The following DCDC1 variants were observed in gnomAD, a reference collection of about 807,000 sequenced individuals.
DCDC1 encodes doublecortin domain-containing protein 1.
In DCDC1, 200 loss-of-function variants were observed where a neutral mutation model predicts 178.3. That is an observed-to-expected ratio of 1.12 (90% CI 1.00 to 1.26). The LOEUF (loss-of-function observed/expected upper bound fraction) is 1.26. Ranked by LOEUF, DCDC1 falls within the 50% of genes most tolerant of loss-of-function variation. The pLI is 0.00. For missense variants in DCDC1, 1,983 were observed against 1,749.2 expected (o/e 1.13, Z -2.38); for synonymous variants, 690 against 604.8 (o/e 1.14, Z -2.07).
intron 18 of DCDC1, among the ~76,000 whole-genome samples, chr11:31,077,161 C>T (rs1565253170): frequency 1.3e-5 from 2 of 152,106 alleles, no homozygotes; most frequent in Non-Finnish European, 2.9e-5. Context: ...GGGATGAGAA[C>T]ATTAGTAGAA....
intron 9 of DCDC1, among the ~76,000 whole-genome samples, chr11:31,178,103 C>T (rs1024457790): frequency 6.6e-6 from 1 of 152,170 alleles, no homozygotes; most frequent in African/African-American, 2.4e-5. Flanking sequence ...GCACATGAAA[C>T]ATCTCCAGAA....
At chr11:31,129,027 T>C (rs1218827680) in intron 10 of DCDC1, among the ~76,000 whole-genome samples, 1 of 152,106 alleles carries the variant, frequency 6.6e-6, no homozygotes, top group Non-Finnish European at 1.5e-5. Context: ...TGTACTTACA[T>C]CTCATCCACT....
At chr11:31,243,231 AC>A (rs1343912516) in intron 8 of DCDC1, among the ~76,000 whole-genome samples, 2 of 151,788 alleles carry the variant, frequency 1.3e-5, no homozygotes, top group East Asian at 3.9e-4. Context: ...ATATAAAGCA[AC>A]CTTGATTACA....
At chr11:31,091,858 T>G (rs752630283) in intron 16 of DCDC1, among the ~76,000 whole-genome samples, 65 of 152,116 alleles carry the variant, frequency 4.3e-4, no homozygotes, top group Admixed American at 4.0e-3. Context: ...GAAATATGTA[T>G]GCACAGAAAA....
chr11:30,994,892 C>T (rs2134967443), intron 20 of DCDC1, among the ~76,000 whole-genome samples: 1 of 150,614 alleles, frequency 6.6e-6, no homozygotes, highest in South Asian at 2.1e-4. Context: ...CTTACTACTG[C>T]TATTAATCAT....
At chr11:31,000,604 A>G (rs1951516382) in intron 20 of DCDC1, among the ~76,000 whole-genome samples, 3 of 152,224 alleles carry the variant, frequency 2.0e-5, no homozygotes, top group South Asian at 4.1e-4. Context: ...AATATTCAGG[A>G]TGTCACTCTT....
intron 20 of DCDC1, among the ~76,000 whole-genome samples, chr11:31,063,514 T>C (rs140861641): frequency 4.3e-4 from 66 of 152,268 alleles, no homozygotes; most frequent in African/African-American, 1.6e-3. Context: ...TGGAATAAAA[T>C]AGCTTTTAAT....
intron 20 of DCDC1, among the ~76,000 whole-genome samples, chr11:30,998,014 G>A (rs1451526720): frequency 6.6e-6 from 1 of 152,026 alleles, no homozygotes; most frequent in East Asian, 1.9e-4. Flanking sequence ...GGGGGTGGGG[G>A]CAGGCACAGT....
chr11:31,295,831 T>C (rs1947647435), intron 6 of DCDC1, among the ~76,000 whole-genome samples: 1 of 152,142 alleles, frequency 6.6e-6, no homozygotes, highest in African/African-American at 2.4e-5. Flanking sequence ...GAGGGAGACC[T>C]CTCGGTTATT....
chr11:31,290,729 G>A lies in DCDC1; in HGVS notation c.878C>T (p.Thr293Ile). The change falls in exon 7 of 39, where the codon ACC (threonine) becomes ATC (isoleucine). Residue 293 changes from threonine to isoleucine, a missense_variant. Physicochemically the swap from Thr to Ile is moderately conservative, Grantham distance 89. Transcript: ENST00000684477. ...CTTAAAGAACAGAATTCGGACTGAG[G>A]TCCTCTCAGTAAGTTTCTTCATTCT... Reference protein sequence around the residue: ...SIRMKKLTERTSVRILFFKNG... With the variant: ...SIRMKKLTERISVRILFFKNG... The A allele has an allele frequency of 6.2e-7, 1 of 1,613,414 alleles. No individual in the cohort carries two copies. The highest frequency in any genetic ancestry group is 8.5e-7 in the Non-Finnish European group (1 of 1,179,554).
chr11:31,297,034 G>A (rs1168730558), intron 6 of DCDC1, among the ~76,000 whole-genome samples: 1 of 152,178 alleles, frequency 6.6e-6, no homozygotes, highest in African/African-American at 2.4e-5. Context: ...TCACCCCTCT[G>A]AGGACATATG....
At chr11:31,235,469 T>C (rs1426858601) in intron 9 of DCDC1, among the ~76,000 whole-genome samples, 1 of 151,968 alleles carries the variant, frequency 6.6e-6, no homozygotes, top group African/African-American at 2.4e-5. Context: ...TTTATCTGTA[T>C]TATAATTAAA....
At chr11:31,292,579 G>A (rs549949575) in intron 6 of DCDC1, among the ~76,000 whole-genome samples, 7 of 152,214 alleles carry the variant, frequency 4.6e-5, no homozygotes, top group Non-Finnish European at 8.8e-5. Context: ...TATAAAAACA[G>A]AACATATACT....
At chr11:31,262,465 G>T (rs1001027574) in intron 8 of DCDC1, among the ~76,000 whole-genome samples, 1 of 152,118 alleles carries the variant, frequency 6.6e-6, no homozygotes, top group African/African-American at 2.4e-5. Context: ...ATAGGTAGGA[G>T]AAAATTTTTA....
chr11:31,237,395 A>C (rs1431673499), intron 9 of DCDC1, among the ~76,000 whole-genome samples: 1 of 151,980 alleles, frequency 6.6e-6, no homozygotes, highest in East Asian at 1.9e-4. Flanking sequence ...TAATTTTTGA[A>C]ATAGAAATTC....
At chr11:31,353,760 C>A (rs931438291) in intron 1 of DCDC1, among the ~76,000 whole-genome samples, 8 of 152,180 alleles carry the variant, frequency 5.3e-5, no homozygotes, top group Admixed American at 1.3e-4. Flanking sequence ...AGAATAAGCA[C>A]AGTGAACTGC....
At chr11:31,222,347 G>A (rs1283361879) in intron 9 of DCDC1, among the ~76,000 whole-genome samples, 2 of 152,110 alleles carry the variant, frequency 1.3e-5, no homozygotes, top group African/African-American at 4.8e-5. Flanking sequence ...TACAGAGTGA[G>A]CCACCACGCC....
chr11:31,115,170 T>C (rs919480543), intron 11 of DCDC1, among the ~76,000 whole-genome samples: 7 of 152,142 alleles, frequency 4.6e-5, no homozygotes, highest in African/African-American at 1.7e-4. Flanking sequence ...TTAAACTATA[T>C]AGGGAAACTT....
chr11:31,246,791 A>T (rs1943597569), intron 8 of DCDC1, among the ~76,000 whole-genome samples: 1 of 152,074 alleles, frequency 6.6e-6, no homozygotes, highest in Non-Finnish European at 1.5e-5. Flanking sequence ...CTAAACTAAC[A>T]GCTGCTGTGT....
Sources: allele counts gnomAD v4.1 joint callset (sites outside exome capture counted in the v4.1 genomes callset), GRCh38; gene constraint gnomAD v4.1.1; transcripts MANE v1.5; gene names NCBI Gene and HGNC (gene_info 2026-07-23, HGNC 2026-07-21).